Variants in BAIAP2L1 observed in about 807,000 individuals in gnomAD.
BAIAP2L1 encodes BAR/IMD domain-containing adapter protein 2-like 1.
BAIAP2L1 carries 35 observed loss-of-function variants against 66.3 expected under a neutral mutation model. The ratio of observed to expected loss-of-function variants is 0.53; its 90% confidence interval spans 0.40 to 0.70. The LOEUF is 0.70. BAIAP2L1 is among the 30% of genes least tolerant of loss of function. The pLI is 0.00. For missense variants in BAIAP2L1, 622 were observed against 656.9 expected (o/e 0.95, Z 0.58); for synonymous variants, 269 against 248.7 (o/e 1.08, Z -0.77).
intron 1 of BAIAP2L1, chr7:98,386,671 T>C: frequency 1.6e-6 from 1 of 638,818 alleles, no homozygotes; most frequent in Non-Finnish European, 2.6e-6. Flanking sequence ...TCGACTTCTC[T>C]CCTATATTCA....
intron 1 of BAIAP2L1, among the ~76,000 whole-genome samples, chr7:98,396,245 T>C (rs1048552655): frequency 6.6e-6 from 1 of 152,042 alleles, no homozygotes; most frequent in Non-Finnish European, 1.5e-5. Context: ...AATTTTTGTA[T>C]CTTTGTAGAG....
At chr7:98,362,870 C>A (rs1249420162) in intron 1 of BAIAP2L1, among the ~76,000 whole-genome samples, 1 of 152,046 alleles carries the variant, frequency 6.6e-6, no homozygotes, top group Non-Finnish European at 1.5e-5. Context: ...GAATTTCTAT[C>A]CACTGAATAG....
chr7:98,320,736 C>G (rs1043219368), intron 3 of BAIAP2L1, among the ~76,000 whole-genome samples: 2 of 152,204 alleles, frequency 1.3e-5, no homozygotes, highest in Non-Finnish European at 2.9e-5. Context: ...TGAGACACAT[C>G]AGGAGCACAA....
At chr7:98,304,428 C>A (rs772627248) in intron 11 of BAIAP2L1, 52 bp from the exon 12 acceptor site, 2 of 1,578,128 alleles carry the variant, frequency 1.3e-6, no homozygotes, top group African/African-American at 1.3e-5. Context: ...CACCACCAAA[C>A]CCCAAACATC....
At chr7:98,366,851 C>CT (rs1468649845) in intron 1 of BAIAP2L1, among the ~76,000 whole-genome samples, 1 of 152,066 alleles carries the variant, frequency 6.6e-6, no homozygotes, top group East Asian at 1.9e-4. Flanking sequence ...CTTTGCTTTG[C>CT]TTTTTTTCTT....
chr7:98,299,484 T>TG (rs1800333113), intron 12 of BAIAP2L1, among the ~76,000 whole-genome samples: 1 of 151,884 alleles, frequency 6.6e-6, no homozygotes, highest in Middle Eastern at 3.2e-3. Context: ...GCCTCAGCCA[T>TG]GGTACCTGCT....
intron 1 of BAIAP2L1, among the ~76,000 whole-genome samples, chr7:98,367,752 T>G (rs188499035): frequency 1.3e-5 from 2 of 152,066 alleles, no homozygotes; most frequent in Admixed American, 1.3e-4. Context: ...CAGGATGGTC[T>G]CGATTTCCTG....
chr7:98,347,174 A>G (rs558168303), intron 3 of BAIAP2L1, among the ~76,000 whole-genome samples: 196 of 898 alleles, frequency 0.22, 3 homozygotes, highest in Admixed American at 0.33. Context: ...ATCCTAAGCC[A>G]TGAGAAGGTG....
chr7:98,395,881 T>C (rs1174288520), intron 1 of BAIAP2L1, among the ~76,000 whole-genome samples: 1 of 151,986 alleles, frequency 6.6e-6, no homozygotes, highest in African/African-American at 2.4e-5. Flanking sequence ...AAATAAAAAA[T>C]TAGCCGGGCA....
At chr7:98,382,483 A>G (rs1802781909) in intron 1 of BAIAP2L1, among the ~76,000 whole-genome samples, 1 of 152,134 alleles carries the variant, frequency 6.6e-6, no homozygotes, top group Admixed American at 6.6e-5. Flanking sequence ...GTGTCTCTAC[A>G]AAAAATAAAA....
At chr7:98,303,330 G>C (rs1480247692) in intron 12 of BAIAP2L1, among the ~76,000 whole-genome samples, 2 of 152,132 alleles carry the variant, frequency 1.3e-5, no homozygotes, top group Non-Finnish European at 2.9e-5. Context: ...TCGCCCCAAA[G>C]CAAGACAGCT....
intron 1 of BAIAP2L1, among the ~76,000 whole-genome samples, chr7:98,399,658 T>G (rs1460063878): frequency 6.6e-6 from 1 of 152,174 alleles, no homozygotes; most frequent in African/African-American, 2.4e-5. Flanking sequence ...AAAAGTTGTT[T>G]TGTGTTCTAT....
intron 3 of BAIAP2L1, among the ~76,000 whole-genome samples, chr7:98,344,632 T>C (rs1049936789): frequency 3.2e-4 from 48 of 152,202 alleles, no homozygotes; most frequent in African/African-American, 1.1e-3. Flanking sequence ...TATATTAAAG[T>C]GTATCTTCTT....
intron 1 of BAIAP2L1, among the ~76,000 whole-genome samples, chr7:98,390,025 C>T (rs1280369442): frequency 1.3e-5 from 2 of 149,134 alleles, no homozygotes; most frequent in Admixed American, 1.4e-4. Flanking sequence ...ACACCATTCT[C>T]CTGCTTCAGC....
intron 2 of BAIAP2L1, among the ~76,000 whole-genome samples, chr7:98,355,904 G>C (rs1007886892): frequency 6.6e-6 from 1 of 152,062 alleles, no homozygotes; most frequent in Non-Finnish European, 1.5e-5. Context: ...AAGGCATTTT[G>C]AGCCACAACC....
At chr7:98,311,497 C>T (rs761720902) in intron 8 of BAIAP2L1, among the ~76,000 whole-genome samples, 18 of 151,370 alleles carry the variant, frequency 1.2e-4, no homozygotes, top group African/African-American at 3.6e-4. Context: ...GCCGAGATTG[C>T]GCCATTGCAC....
chr7:98,305,092 T>C (rs543771537), intron 11 of BAIAP2L1, among the ~76,000 whole-genome samples: 3 of 148,626 alleles, frequency 2.0e-5, no homozygotes, highest in East Asian at 2.0e-4. Flanking sequence ...GGTTTCATTA[T>C]GTTGGCCAGG....
At chr7:98,354,855 C>T (rs922069673) in intron 3 of BAIAP2L1, among the ~76,000 whole-genome samples, 187 bp downstream of exon 3, 5 of 152,168 alleles carry the variant, frequency 3.3e-5, no homozygotes, top group Non-Finnish European at 7.4e-5. Flanking sequence ...GGCCTCCACT[C>T]GCCCTCCGGC....
intron 3 of BAIAP2L1, among the ~76,000 whole-genome samples, chr7:98,336,411 C>T (rs993366929): frequency 3.9e-5 from 6 of 152,096 alleles, no homozygotes; most frequent in Non-Finnish European, 5.9e-5. Context: ...GTCAGGAGTT[C>T]GAGACCAGCC....
Sources: gnomAD v4.1 joint callset for allele counts (sites outside exome capture counted in the v4.1 genomes callset) on GRCh38, gnomAD v4.1.1 for gene constraint, MANE v1.5 for transcripts, NCBI Gene and HGNC (gene_info 2026-07-23, HGNC 2026-07-21) for gene names.